Variants in GABRB1 observed in about 807,000 individuals in gnomAD.
The protein encoded by GABRB1 is gamma-aminobutyric acid type A receptor subunit beta1, also known as gamma-aminobutyric acid receptor subunit beta-1.
A neutral mutation model predicts 51.6 loss-of-function variants in GABRB1; 17 were observed. The ratio of observed to expected loss-of-function variants is 0.33; its 90% CI spans 0.23 to 0.49. GABRB1 has a LOEUF of 0.49. Among genes scored for constraint, GABRB1 ranks in the 20% least tolerant of loss-of-function variants. GABRB1 has a pLI of 0.99. For missense variants in GABRB1, 410 were observed against 600.6 expected (o/e 0.68, Z 3.32); for synonymous variants, 247 against 218.9 (o/e 1.13, Z -1.14).
In GABRB1 at chr4:47,119,590, C is replaced by A. The variant is rs988031916; in HGVS notation, c.241-41659C>A. ...ATGGCACAATCTCAGCTCACTGCAA[C>A]CTCTGCCTCCAGGGTTCAAGCGATT... On this transcript the variant is annotated intron_variant, in intron 3 of 8. Transcript: ENST00000295454. Among the ~76,000 whole-genome samples the A allele has an allele frequency of 3.3e-5, 5 of 151,356 alleles. No individual in the cohort carries two copies. The East Asian group carries it at 5.8e-4, about 18-fold the overall frequency.
At chr4:47,145,199 G>T (rs1471011967) in intron 3 of GABRB1, among the ~76,000 whole-genome samples, 1 of 151,970 alleles carries the variant, frequency 6.6e-6, no homozygotes, top group Non-Finnish European at 1.5e-5. Flanking sequence ...GGAAAAGTAG[G>T]TTGAGCTAGA....
chr4:47,197,619 C>T (rs945220936), intron 4 of GABRB1, among the ~76,000 whole-genome samples: 2 of 152,146 alleles, frequency 1.3e-5, no homozygotes, highest in Admixed American at 6.5e-5. Context: ...TTATAACATA[C>T]GTTAATATAA....
At chr4:47,018,877 A>G (rs962419669) in intron 1 of GABRB1, among the ~76,000 whole-genome samples, 3 of 152,304 alleles carry the variant, frequency 2.0e-5, no homozygotes, top group East Asian at 1.9e-4. Context: ...AAATCCGCGT[A>G]TAAGTGGACC....
chr4:47,360,499 G>T (rs1007787802), intron 5 of GABRB1, among the ~76,000 whole-genome samples: 1 of 151,974 alleles, frequency 6.6e-6, no homozygotes, highest in Non-Finnish European at 1.5e-5. Flanking sequence ...CTAATCCTGA[G>T]TTCTAATTAT....
At chr4:47,227,089 C>T (rs1480242215) in intron 4 of GABRB1, among the ~76,000 whole-genome samples, 1 of 152,104 alleles carries the variant, frequency 6.6e-6, no homozygotes, top group Non-Finnish European at 1.5e-5. Flanking sequence ...CATCAAGTGC[C>T]TGAGAGGAAT....
chr4:47,208,123 T>C (rs1366984020), intron 4 of GABRB1, among the ~76,000 whole-genome samples: 3 of 152,070 alleles, frequency 2.0e-5, no homozygotes, highest in East Asian at 1.9e-4. Context: ...ATAAGGGTGT[T>C]TGTGTGTGTA....
intron 5 of GABRB1, among the ~76,000 whole-genome samples, chr4:47,335,357 A>G (rs1725659240): frequency 6.6e-6 from 1 of 152,108 alleles, no homozygotes; most frequent in Non-Finnish European, 1.5e-5. Flanking sequence ...TACATGTTAT[A>G]TGTAGAGGGA....
At chr4:47,315,915 C>T (rs115782431) in intron 4 of GABRB1, among the ~76,000 whole-genome samples, 1,695 of 151,608 alleles carry the variant, frequency 0.011, 35 homozygotes, top group African/African-American at 0.039. Flanking sequence ...AGGTGAGGAT[C>T]GAAAAACTAC....
In GABRB1 at chr4:47,159,752, T is replaced by A. The variant is rs574080636; in HGVS notation, c.241-1497T>A. ...TATTTTAAGATTTTTCAGAAATGCATAAATATCCATTTGGAAGTCTATATG... is the reference window on the plus strand; with the variant it reads ...TATTTTAAGATTTTTCAGAAATGCAAAAATATCCATTTGGAAGTCTATATG... On this transcript the variant is annotated intron_variant, in intron 3 of 8. Transcript: ENST00000295454. Among the ~76,000 whole-genome samples the A allele has an allele frequency of 2.6e-5, 4 of 152,204 alleles. No homozygotes were observed. In the South Asian group the frequency reaches 8.3e-4, roughly 32 times the overall value.
intron 4 of GABRB1, among the ~76,000 whole-genome samples, chr4:47,276,745 C>T (rs893714811): frequency 1.3e-5 from 2 of 152,274 alleles, no homozygotes; most frequent in African/African-American, 4.8e-5. Flanking sequence ...TTGATATTTT[C>T]AGCCAGATAA....
At chr4:47,041,313 G>C (rs1725825872) in intron 3 of GABRB1, among the ~76,000 whole-genome samples, 1 of 152,084 alleles carries the variant, frequency 6.6e-6, no homozygotes, top group Non-Finnish European at 1.5e-5. Context: ...CTACAAGTTG[G>C]TCTCCTGGAA....
At chr4:47,155,307 T>C (rs1717641624) in intron 3 of GABRB1, among the ~76,000 whole-genome samples, 1 of 152,084 alleles carries the variant, frequency 6.6e-6, no homozygotes, top group African/African-American at 2.4e-5. Flanking sequence ...CTGGCATGAA[T>C]ATTTTACGGG....
chr4:47,249,137 A>C (rs2109860750), intron 4 of GABRB1, among the ~76,000 whole-genome samples: 1 of 152,182 alleles, frequency 6.6e-6, no homozygotes, highest in South Asian at 2.1e-4. Flanking sequence ...TTTTTGATGT[A>C]GGCATTTAGG....
chr4:47,049,748 A>G (rs866788398), intron 3 of GABRB1, among the ~76,000 whole-genome samples: 1 of 152,220 alleles, frequency 6.6e-6, no homozygotes, highest in South Asian at 2.1e-4. Flanking sequence ...CAAAAAAACA[A>G]AAGGGTTTAC....
At chr4:47,179,631 A>G (rs1394417770) in intron 4 of GABRB1, among the ~76,000 whole-genome samples, 1 of 152,098 alleles carries the variant, frequency 6.6e-6, no homozygotes, top group Admixed American at 6.6e-5. Flanking sequence ...TAGCAAAATA[A>G]CTTTCCTATA....
At chr4:47,324,600 C>T (rs1220541393) in intron 5 of GABRB1, among the ~76,000 whole-genome samples, 1 of 152,198 alleles carries the variant, frequency 6.6e-6, no homozygotes, top group Non-Finnish European at 1.5e-5. Flanking sequence ...TACCCACCTC[C>T]CGCCTCTGCT....
intron 3 of GABRB1, among the ~76,000 whole-genome samples, chr4:47,081,367 C>T (rs1280693657): frequency 1.3e-5 from 2 of 152,096 alleles, no homozygotes; most frequent in Non-Finnish European, 2.9e-5. Context: ...TGTTTCAAAG[C>T]TTGAATAAGA....
chr4:47,200,796 T>G (rs1719868894), intron 4 of GABRB1, among the ~76,000 whole-genome samples: 1 of 152,184 alleles, frequency 6.6e-6, no homozygotes, highest in African/African-American at 2.4e-5. Flanking sequence ...GTTAACTACA[T>G]CCTAAGAAAG....
chr4:47,134,493 G>T (rs1248302646), intron 3 of GABRB1, among the ~76,000 whole-genome samples: 1 of 151,870 alleles, frequency 6.6e-6, no homozygotes, highest in Non-Finnish European at 1.5e-5. Flanking sequence ...ATTAATGAGA[G>T]GAAAATGATG....
Sources: allele counts gnomAD v4.1 joint callset (sites outside exome capture counted in the v4.1 genomes callset), GRCh38; gene constraint gnomAD v4.1.1; transcripts MANE v1.5; gene names NCBI Gene and HGNC (gene_info 2026-07-23, HGNC 2026-07-21).